The following NCOR2 variants were observed in gnomAD, a reference collection of about 807,000 sequenced individuals.
NCOR2 encodes the protein nuclear receptor corepressor 2.
Under a neutral mutation model 262.9 loss-of-function variants are expected in NCOR2, and 81 were observed. The observed-to-expected ratio is 0.31, with a 90% confidence interval of 0.26 to 0.37. The LOEUF (loss-of-function observed/expected upper bound fraction) is 0.37. NCOR2 is among the 10% of genes least tolerant of loss of function. NCOR2 has a pLI of 1.00. For missense variants in NCOR2, 3,385 were observed against 3,621.4 expected, an observed-to-expected ratio of 0.93 and a Z score of 1.68; for synonymous variants, 1,659 against 1,559.3, an observed-to-expected ratio of 1.06 and a Z score of -1.51.
intron 1 of NCOR2, among the ~76,000 whole-genome samples, chr12:124,488,953 G>T (rs996583880): frequency 6.6e-6 from 1 of 151,592 alleles, no homozygotes; most frequent in Non-Finnish European, 1.5e-5. Flanking sequence ...GAGCATCTTG[G>T]GTGCCGTTTC....
At chr12:124,543,332 T>C (rs1026377266) in intron 1 of NCOR2, among the ~76,000 whole-genome samples, 4 of 152,168 alleles carry the variant, frequency 2.6e-5, no homozygotes, top group African/African-American at 9.7e-5. Context: ...GAGGAGCCGC[T>C]GCAAAAAACC....
At chr12:124,559,768 T>C (rs1278296159) in intron 1 of NCOR2, among the ~76,000 whole-genome samples, 1 of 152,186 alleles carries the variant, frequency 6.6e-6, no homozygotes, top group African/African-American at 2.4e-5. Context: ...AACCAGTGAT[T>C]GCAGAAAGCA....
At chr12:124,341,834 G>T in exon 34 of NCOR2, 1 of 1,602,088 alleles carries the variant, frequency 6.2e-7, no homozygotes, top group Non-Finnish European at 8.5e-7. Context: ...TCGGGGACCC[G>T]CAGCGTAGTT....
intron 5 of NCOR2, among the ~76,000 whole-genome samples, chr12:124,462,062 GCTGA>G (rs1232334564): frequency 2.0e-5 from 3 of 152,116 alleles, no homozygotes; most frequent in African/African-American, 7.2e-5. Flanking sequence ...TCCCACACAA[GCTGA>G]CTCTTACTCT....
chr12:124,426,838 A>T, intron 10 of NCOR2, 38 bp from the exon 13 acceptor site: 5 of 1,524,796 alleles, frequency 3.3e-6, no homozygotes, highest in Non-Finnish European at 3.5e-6. Flanking sequence ...AGGCCCAGGG[A>T]CGAGGTGCTC....
chr12:124,552,964 G>A (rs1196104322), intron 1 of NCOR2, among the ~76,000 whole-genome samples: 1 of 152,196 alleles, frequency 6.6e-6, no homozygotes, highest in Non-Finnish European at 1.5e-5. Flanking sequence ...GGGATTACAG[G>A]CGTGAGCCAC....
chr12:124,501,058 GCGCGCA>G (rs1555232691), intron 1 of NCOR2, among the ~76,000 whole-genome samples: 1 of 66,216 alleles, frequency 1.5e-5, no homozygotes, highest in African/African-American at 5.2e-5. Flanking sequence ...GCGCGCGCAC[GCGCGCA>G]CACACACACA....
chr12:124,565,330 A>T (rs1009661246), intron 1 of NCOR2, among the ~76,000 whole-genome samples: 4 of 152,068 alleles, frequency 2.6e-5, no homozygotes, highest in African/African-American at 9.7e-5. Flanking sequence ...AAGCAGGGAC[A>T]CGGCAGGCGG....
intron 16 of NCOR2, among the ~76,000 whole-genome samples, chr12:124,390,728 C>G (rs1029029050): frequency 4.6e-5 from 7 of 152,254 alleles, no homozygotes; most frequent in African/African-American, 1.7e-4. Context: ...GACATCCAGG[C>G]ACACGCCCCC....
chr12:124,402,480 C>T, exon 14 of NCOR2: 1 of 1,611,964 alleles, frequency 6.2e-7, no homozygotes, highest in Non-Finnish European at 8.5e-7. Context: ...TTCTCCTTCT[C>T]ATCTTTCTCC....
At chr12:124,411,099 A>C (rs1417063867) in intron 13 of NCOR2, among the ~76,000 whole-genome samples, 2 of 134,730 alleles carry the variant, frequency 1.5e-5, no homozygotes, top group African/African-American at 2.7e-5. Context: ...AGAGAGAGAG[A>C]GCTAGAGACA....
chr12:124,505,398 G>C (rs1047099143), intron 1 of NCOR2, among the ~76,000 whole-genome samples: 1 of 152,172 alleles, frequency 6.6e-6, no homozygotes, highest in South Asian at 2.1e-4. Flanking sequence ...GCTCCTCCTC[G>C]GCAGTTTTAG....
chr12:124,476,056 G>A (rs555888450), intron 3 of NCOR2, among the ~76,000 whole-genome samples: 6 of 152,312 alleles, frequency 3.9e-5, no homozygotes, highest in South Asian at 2.1e-4. Flanking sequence ...GTGTATGCAC[G>A]TACCAGTGGG....
At chr12:124,379,968 C>T (rs2040291559) in intron 17 of NCOR2, among the ~76,000 whole-genome samples, 2 of 152,372 alleles carry the variant, frequency 1.3e-5, no homozygotes, top group Middle Eastern at 3.4e-3. Context: ...TGAATGTGAG[C>T]ACAGCCCTGT....
At chr12:124,350,862 ACT>A (rs1350862380) in intron 27 of NCOR2, 125 bp from the exon 30 acceptor site, 1 of 988,552 alleles carries the variant, frequency 1.0e-6, no homozygotes, top group African/African-American at 1.6e-5. Context: ...CCACACACAC[ACT>A]GTCTCAAATA....
intron 28 of NCOR2, 150 bp from the exon 31 acceptor site, chr12:124,348,464 G>A (rs1056863751): frequency 9.0e-7 from 1 of 1,109,146 alleles, no homozygotes; most frequent in South Asian, 1.7e-5. Flanking sequence ...CCTCCAGAGG[G>A]AGCTGGCAGC....
chr12:124,346,567 C>A, exon 31 of NCOR2: 1 of 1,548,802 alleles, frequency 6.5e-7, no homozygotes, highest in Non-Finnish European at 8.7e-7. Flanking sequence ...GCCATACCTG[C>A]GTGATGGAGC....
chr12:124,436,224 T>C (rs535505369), intron 8 of NCOR2, among the ~76,000 whole-genome samples: 11 of 152,336 alleles, frequency 7.2e-5, no homozygotes, highest in Admixed American at 1.3e-4. Context: ...TCACCTACTG[T>C]GTACCACAGA....
At chr12:124,418,039 C>T (rs1485051376) in intron 13 of NCOR2, among the ~76,000 whole-genome samples, 3 of 148,682 alleles carry the variant, frequency 2.0e-5, no homozygotes, top group Non-Finnish European at 4.4e-5. Flanking sequence ...CTGACCTGGG[C>T]GACGGTGTGA....
Sources: allele counts gnomAD v4.1 joint callset (sites outside exome capture counted in the v4.1 genomes callset), GRCh38; gene constraint gnomAD v4.1.1; transcripts MANE v1.5; gene names NCBI Gene and HGNC (gene_info 2026-07-23, HGNC 2026-07-21).